Variants in BPTF observed in about 807,000 individuals in gnomAD.
BPTF encodes nucleosome-remodeling factor subunit BPTF.
BPTF carries 18 observed loss-of-function variants against 292.5 expected under a neutral mutation model. The observed-to-expected ratio is 0.06, with a 90% CI of 0.04 to 0.09. The LOEUF (loss-of-function observed/expected upper bound fraction) is 0.09, where lower values mean the gene tolerates loss of function less well. Among genes scored for constraint, BPTF ranks in the 10% least tolerant of loss-of-function variants. The pLI is 1.00. For synonymous variants in BPTF, 1,225 were observed against 1,251.9 expected, an observed-to-expected ratio of 0.98 and a Z score of 0.45; for missense variants, 2,726 against 3,498.7, an observed-to-expected ratio of 0.78 and a Z score of 5.57.
At chr17:67,922,101 G>T (rs903464805) in intron 13 of BPTF, among the ~76,000 whole-genome samples, 3 of 152,068 alleles carry the variant, frequency 2.0e-5, no homozygotes, top group Non-Finnish European at 4.4e-5. Flanking sequence ...AGACACAGAT[G>T]GGAGATGTAC....
chr17:67,923,897 G>A (rs1419993308), intron 14 of BPTF, among the ~76,000 whole-genome samples: 2 of 151,948 alleles, frequency 1.3e-5, no homozygotes, highest in Non-Finnish European at 2.9e-5. Context: ...CCCCAGGCTG[G>A]AGTGCAGTGG....
chr17:67,859,214 T>C (rs1236395285), intron 2 of BPTF, among the ~76,000 whole-genome samples: 1 of 152,222 alleles, frequency 6.6e-6, no homozygotes, highest in East Asian at 1.9e-4. Context: ...GGCATGATCA[T>C]GGCTCACTGC....
chr17:67,940,340 A>G (rs1188324011), intron 18 of BPTF, 99 bp from the exon 19 acceptor site: 1 of 1,084,340 alleles, frequency 9.2e-7, no homozygotes, highest in Non-Finnish European at 1.3e-6. Flanking sequence ...GTTTTTTTGA[A>G]GATGGAAAAG....
chr17:67,935,926 C>T (rs758360738), intron 18 of BPTF, among the ~76,000 whole-genome samples: 2 of 152,174 alleles, frequency 1.3e-5, no homozygotes, highest in Middle Eastern at 3.4e-3. Context: ...ATACTTAGGA[C>T]GTAAATCTAT....
In BPTF at chr17:67,918,801, G is replaced by A. The variant is rs137937430; in HGVS notation, c.5391G>A (p.Ala1797=). ...LWASLRWDDM[A]AKAPPGGGTT... is the part of the protein sequence containing the mutation. ...CAAGTTTGAGATGGGATGATATGGC[G>A]GCCAAGGCTCCTCCAGGAGGAGGGA... is the stretch of plus-strand genomic sequence containing the variant. Residue 1797 remains alanine (A), a synonymous_variant, in exon 12 of 28, where the codon GCG becomes GCA. Coordinates refer to ENST00000306378, the MANE Select transcript of BPTF (RefSeq NM_182641.4). The A allele has an allele frequency of 5.1e-4, 815 of 1,613,680 alleles. 1 individual carries two copies. The highest frequency in any genetic ancestry group is 6.3e-4 in the Non-Finnish European group (738 of 1,179,744).
At chr17:67,918,973 C>G in intron 12 of BPTF, 135 bp downstream of exon 12, 1 of 847,402 alleles carries the variant, frequency 1.2e-6, no homozygotes, top group South Asian at 1.9e-5. Context: ...GAGATCCTGA[C>G]CATCCTGGCT....
intron 1 of BPTF, among the ~76,000 whole-genome samples, chr17:67,843,686 CT>C (rs900576209): frequency 4.3e-4 from 62 of 144,428 alleles, no homozygotes; most frequent in African/African-American, 1.6e-3. Flanking sequence ...TAGAGCAGTT[CT>C]ATCACCTTTG....
At chr17:67,923,228 G>T (rs1309466345) in intron 14 of BPTF, among the ~76,000 whole-genome samples, 1 of 151,632 alleles carries the variant, frequency 6.6e-6, no homozygotes, top group Non-Finnish European at 1.5e-5. Context: ...GCTAATGTTT[G>T]TATTTTTTGT....
chr17:67,979,762 CG>C (rs1334978051), intron 27 of BPTF, among the ~76,000 whole-genome samples: 1 of 152,086 alleles, frequency 6.6e-6, no homozygotes, highest in Admixed American at 6.6e-5. Context: ...TTACCCTGGC[CG>C]GGCGCAGTGG....
intron 23 of BPTF, among the ~76,000 whole-genome samples, chr17:67,953,956 CTTTTCTTTTTTTTTTTTTTT>C (rs1436689372): frequency 1.5e-4 from 8 of 53,332 alleles, no homozygotes; most frequent in African/African-American, 5.9e-4. Context: ...TTTTTCTTTT[CTTTTCTTTTTTTTTTTTTTT>C]TTTTTTTTTT....
At chr17:67,952,834 G>C (rs782735641) in intron 23 of BPTF, among the ~76,000 whole-genome samples, 1 of 152,070 alleles carries the variant, frequency 6.6e-6, no homozygotes, top group African/African-American at 2.4e-5. Flanking sequence ...TAACAATCCC[G>C]TGTGCCACCT....
At chr17:67,919,216 A>C (rs1284588011) in intron 12 of BPTF, among the ~76,000 whole-genome samples, 1 of 134,144 alleles carries the variant, frequency 7.5e-6, no homozygotes, top group East Asian at 2.3e-4. Flanking sequence ...TAATAATAAT[A>C]ATAAAATATA....
At chr17:67,962,208 A>C (rs1175250783) in intron 24 of BPTF, among the ~76,000 whole-genome samples, 2 of 152,162 alleles carry the variant, frequency 1.3e-5, no homozygotes, top group Admixed American at 6.5e-5. Context: ...CACATTCATG[A>C]AGCAGGTCAA....
chr17:67,932,432 A>C (rs2064480505), intron 18 of BPTF, among the ~76,000 whole-genome samples: 1 of 152,074 alleles, frequency 6.6e-6, no homozygotes, highest in Admixed American at 6.6e-5. Flanking sequence ...AGGCTAGGTG[A>C]CTCTCCCCTG....
intron 22 of BPTF, 84 bp from the exon 23 acceptor site, chr17:67,947,997 A>G: frequency 2.9e-6 from 4 of 1,396,984 alleles, no homozygotes; most frequent in East Asian, 2.3e-5. Context: ...TTTTTGTCTC[A>G]TCTGTAGAGG....
At position 67,937,381 on chromosome 17, in the gene BPTF, C is replaced by CA. The variant is rs58944920; in HGVS notation, c.6260-3046dup. 4.9e-3 allele frequency among the ~76,000 whole-genome samples: 606 copies of CA among 123,822 alleles called. 3 individuals are homozygous for CA. Among genetic ancestry groups the CA allele is most frequent in the East Asian group, 0.014 (58 of 4,188 alleles). 81.2% of individuals were successfully genotyped at this position (123,822 alleles called of 152,430 possible). On this transcript the variant is annotated intron_variant, in intron 18 of 27. Transcript: ENST00000306378. ...CTGAGGCAGGAGAATCGGACTTTGT[C>CA]AAAAAAAAAAAAGAAAGAAAAGTAC...
chr17:67,892,453 C>A (rs1351746831), intron 5 of BPTF, among the ~76,000 whole-genome samples: 1 of 152,200 alleles, frequency 6.6e-6, no homozygotes, highest in African/African-American at 2.4e-5. Flanking sequence ...GAGGCTTACC[C>A]ACTGATAGCA....
rs775299001 is a variant in BPTF at position 67,926,745 on chromosome 17, C to CT, written c.5752-1601dup. 4.3e-4 allele frequency among the ~76,000 whole-genome samples: 65 copies of CT among 150,542 alleles called. No homozygotes were observed. The East Asian group carries it at 7.0e-3, about 16-fold the overall frequency. ...TATATCTGTTCTATTTCTTTGCCTC[C>CT]TTTTTTTTTAGAGATAGGGGCTTGC... On this transcript the variant is annotated intron_variant, in intron 15 of 27. Transcript: ENST00000306378.
At chr17:67,969,970 A>C (rs917694751) in intron 26 of BPTF, among the ~76,000 whole-genome samples, 1 of 152,130 alleles carries the variant, frequency 6.6e-6, no homozygotes. Flanking sequence ...GCAGTGGCTC[A>C]TGCCTGTAAT....
Sources: allele counts gnomAD v4.1 joint callset (sites outside exome capture counted in the v4.1 genomes callset), GRCh38; gene constraint gnomAD v4.1.1; transcripts MANE v1.5; gene names NCBI Gene and HGNC (gene_info 2026-07-23, HGNC 2026-07-21).